Variants in CWC27 observed in about 807,000 individuals in gnomAD.
CWC27 encodes the protein CWC27 spliceosome associated cyclophilin.
In CWC27, 47 loss-of-function variants were observed where a neutral mutation model predicts 63.6. The observed-to-expected ratio is 0.74, with a 90% CI of 0.58 to 0.94. CWC27 has a LOEUF of 0.94. Ranked by LOEUF, CWC27 falls within the 40% of genes least tolerant of loss-of-function variation. The pLI, the probability that CWC27 is intolerant of heterozygous loss-of-function variation, is 0.00. For synonymous variants in CWC27, 175 were observed against 179.8 expected (o/e 0.97, Z 0.22); for missense variants, 495 against 554.3 (o/e 0.89, Z 1.07).
chr5:64,954,099 T>G (rs1748760028), intron 11 of CWC27, among the ~76,000 whole-genome samples: 1 of 152,152 alleles, frequency 6.6e-6, no homozygotes, highest in South Asian at 2.1e-4. Context: ...AAATAGTAAA[T>G]AAGACAGAAA....
chr5:64,857,903 C>A (rs1352456112), intron 10 of CWC27, among the ~76,000 whole-genome samples: 1 of 151,366 alleles, frequency 6.6e-6, no homozygotes, highest in South Asian at 2.1e-4. Context: ...TTTGGGAGGC[C>A]GAGGCGGGCG....
chr5:64,821,773 C>T (rs1363932698), intron 10 of CWC27, among the ~76,000 whole-genome samples: 1 of 152,160 alleles, frequency 6.6e-6, no homozygotes, highest in Non-Finnish European at 1.5e-5. Context: ...TTCAGGATTA[C>T]TCTCCCAGAA....
chr5:65,018,374 G>T lies in CWC27; in HGVS notation c.*53G>T. On this transcript the variant is annotated 3_prime_UTR_variant, in exon 14 of 14. Coordinates refer to ENST00000381070, the MANE Select transcript of CWC27 (RefSeq NM_005869.4). ...CTGGAAATGTGCCTACAATGGCCTT[G>T]TAACAGCCATTGTTCCCAACAGCAT... 6.9e-7 allele frequency: 1 copy of T among 1,451,128 alleles called. No individual in the cohort carries two copies. Among genetic ancestry groups the T allele is most frequent in the East Asian group, 2.3e-5 (1 of 43,042 alleles). The allele number at this position is 1,451,128 out of a possible 1,614,324, so 89.9% of individuals were successfully genotyped here.
chr5:64,915,151 A>G (rs994330374), intron 11 of CWC27, among the ~76,000 whole-genome samples: 3 of 152,180 alleles, frequency 2.0e-5, no homozygotes, highest in South Asian at 4.1e-4. Flanking sequence ...TTTTGTTTTC[A>G]GAAGAAAGTT....
At chr5:64,949,606 C>T (rs116073529) in intron 11 of CWC27, among the ~76,000 whole-genome samples, 4,891 of 152,040 alleles carry the variant, frequency 0.032, 203 homozygotes, top group African/African-American at 0.091. Flanking sequence ...AAGTCCTTTG[C>T]GTGGTATGCA....
chr5:64,798,904 T>A (rs1006034254), intron 7 of CWC27, among the ~76,000 whole-genome samples: 2 of 152,202 alleles, frequency 1.3e-5, no homozygotes, highest in Admixed American at 1.3e-4. Flanking sequence ...TTTTATATGA[T>A]TAGTTGGGAG....
At chr5:64,898,997 G>A (rs1747442889) in intron 11 of CWC27, among the ~76,000 whole-genome samples, 1 of 152,080 alleles carries the variant, frequency 6.6e-6, no homozygotes, top group Non-Finnish European at 1.5e-5. Context: ...GAAATCACAT[G>A]GCCATACCTA....
At chr5:64,828,673 C>T (rs1375192262) in intron 10 of CWC27, among the ~76,000 whole-genome samples, 1 of 151,948 alleles carries the variant, frequency 6.6e-6, no homozygotes, top group Non-Finnish European at 1.5e-5. Context: ...CCTTATTTTA[C>T]AGATAAAGCT....
intron 12 of CWC27, 49 bp downstream of exon 12, chr5:64,971,861 T>G (rs1749132540): frequency 1.6e-6 from 2 of 1,219,516 alleles, no homozygotes; most frequent in Non-Finnish European, 2.3e-6. Flanking sequence ...CTTTTTATTG[T>G]TTTTAAGTGT....
At chr5:64,905,224 A>AAAAAAAAAAAAAT (rs1419242745) in intron 11 of CWC27, among the ~76,000 whole-genome samples, 1 of 146,350 alleles carries the variant, frequency 6.8e-6, no homozygotes, top group African/African-American at 2.6e-5. Context: ...AAAAAAAAAA[A>AAAAAAAAAAAAAT]CACCTAATGA....
chr5:64,861,059 G>A (rs571040707), intron 10 of CWC27, among the ~76,000 whole-genome samples: 9 of 152,210 alleles, frequency 5.9e-5, no homozygotes, highest in African/African-American at 1.2e-4. Flanking sequence ...AGAATACTCC[G>A]TGGATGTTTC....
At chr5:64,872,165 A>G (rs1448958029) in intron 10 of CWC27, among the ~76,000 whole-genome samples, 1 of 152,138 alleles carries the variant, frequency 6.6e-6, no homozygotes, top group Non-Finnish European at 1.5e-5. Flanking sequence ...CTGAAGGATG[A>G]CTTTGAGTTA....
chr5:65,016,715 C>T (rs1192315452), intron 13 of CWC27, among the ~76,000 whole-genome samples: 3 of 152,064 alleles, frequency 2.0e-5, no homozygotes, highest in Non-Finnish European at 4.4e-5. Context: ...TTATTTCCCT[C>T]CTAAAATCTT....
intron 11 of CWC27, among the ~76,000 whole-genome samples, chr5:64,896,383 T>C (rs1281600378): frequency 1.4e-4 from 21 of 152,154 alleles, no homozygotes; most frequent in Admixed American, 1.4e-3. Context: ...GGTAAATATA[T>C]GAATAAATCT....
chr5:64,986,140 G>C (rs146542425), intron 13 of CWC27, among the ~76,000 whole-genome samples: 1 of 152,132 alleles, frequency 6.6e-6, no homozygotes. Flanking sequence ...CAACATGATT[G>C]TAAGTTTCCT....
At chr5:64,974,829 A>G (rs1390502068) in intron 12 of CWC27, among the ~76,000 whole-genome samples, 2 of 152,216 alleles carry the variant, frequency 1.3e-5, no homozygotes, top group East Asian at 1.9e-4. Flanking sequence ...CTATTTTTCA[A>G]TATTTTTACA....
intron 10 of CWC27, among the ~76,000 whole-genome samples, chr5:64,831,474 T>TTA (rs1162698407): frequency 2.2e-5 from 2 of 91,472 alleles, no homozygotes; most frequent in African/African-American, 3.9e-5. Flanking sequence ...TTTATTTATT[T>TTA]GAGATAGATA....
intron 10 of CWC27, among the ~76,000 whole-genome samples, chr5:64,876,848 T>C (rs1401264174): frequency 6.6e-6 from 1 of 152,084 alleles, no homozygotes; most frequent in Non-Finnish European, 1.5e-5. Flanking sequence ...ATACTTGACA[T>C]TTCCATTTTA....
chr5:64,802,219 G>C (rs1457721371), intron 9 of CWC27, among the ~76,000 whole-genome samples: 1 of 152,178 alleles, frequency 6.6e-6, no homozygotes, highest in Non-Finnish European at 1.5e-5. Context: ...GAAATTTAAA[G>C]TTTCAAGGAG....
Sources: gnomAD v4.1 joint callset for allele counts (sites outside exome capture counted in the v4.1 genomes callset) on GRCh38, gnomAD v4.1.1 for gene constraint, MANE v1.5 for transcripts, NCBI Gene and HGNC (gene_info 2026-07-23, HGNC 2026-07-21) for gene names.